ANKH: variants seen among roughly 807,000 people sequenced by gnomAD.
ANKH encodes the protein ANKH inorganic pyrophosphate transport regulator, also known as mineralization regulator ANKH.
In ANKH, 15 loss-of-function variants were observed where a neutral mutation model predicts 49.0. That is an observed-to-expected ratio of 0.31 (90% CI 0.20 to 0.47). The LOEUF (loss-of-function observed/expected upper bound fraction) is 0.47, where lower values mean the gene tolerates loss of function less well. ANKH is among the 20% of genes least tolerant of loss of function. The pLI is 1.00. For missense variants in ANKH, 429 were observed against 652.0 expected, an observed-to-expected ratio of 0.66 and a Z score of 3.72; for synonymous variants, 273 against 260.0, an observed-to-expected ratio of 1.05 and a Z score of -0.48.
intron 8 of ANKH, among the ~76,000 whole-genome samples, chr5:14,726,087 G>GGTTTTCACA (rs1346143185): frequency 2.0e-5 from 3 of 152,180 alleles, no homozygotes; most frequent in Admixed American, 1.3e-4. Flanking sequence ...CTGTCAGCTT[G>GGTTTTCACA]GTTTTCACAG....
chr5:14,869,012 C>T (rs1420944423), intron 1 of ANKH: 1 of 152,168 alleles, frequency 6.6e-6, no homozygotes, highest in African/African-American at 2.4e-5. Flanking sequence ...TCATTCACTC[C>T]CAGCAAGGTG....
rs143103659 is a variant in ANKH at position 14,867,188 on chromosome 5, C to T, written c.96+4164G>A. Among the ~76,000 whole-genome samples the T allele has an allele frequency of 8.1e-5, 12 of 148,784 alleles. No homozygotes were observed. In the East Asian group the frequency reaches 2.0e-3, roughly 25 times the overall value. On this transcript the variant is annotated intron_variant, in intron 1 of 11. Transcript: ENST00000284268. ...AAAAAAAAAAAAAAAATTCAATATA[C>T]GACAGCTAAGATTAAATTTAGACCT...
rs1738222754 is a variant in ANKH, at chr5:14,737,455, G to A, written c.1011+4372C>T. Among the ~76,000 whole-genome samples, 1 of 152,190 alleles carries A rather than the reference G, an allele frequency of 6.6e-6. No homozygotes were observed. On this transcript the variant is annotated intron_variant, in intron 8 of 11. Transcript: ENST00000284268. The surrounding 1 kb of genome is among the most constrained non-coding windows in gnomAD (Gnocchi z 5.0). ...ACTGCTGCCTCAGCCTGTGGCTCCA[G>A]GAGTGTCTACCTAGAGAAGCACAGC...
rs768036202 is a variant in ANKH at position 14,716,779 on chromosome 5, G to T, written c.1068C>A (p.Ile356=). 3 of 1,614,126 alleles carry T rather than the reference G, an allele frequency of 1.9e-6. No homozygotes were observed. Among genetic ancestry groups the T allele is most frequent in the East Asian group, 4.5e-5 (2 of 44,888 alleles). Residue 356 remains isoleucine (I), a synonymous_variant, in exon 9 of 12, where the codon ATC becomes ATA. Coordinates refer to ENST00000284268, the MANE Select transcript of ANKH (RefSeq NM_054027.6). ...PNVSEKILID[I]IGVDFAFAEL... ...CTGCAAAGGCAAAGTCCACTCCGAT[G>T]ATGTCTATCAAGATTTTCTCAGACA...
intron 1 of ANKH, among the ~76,000 whole-genome samples, chr5:14,841,794 T>C (rs1207456895): frequency 6.6e-6 from 1 of 152,198 alleles, no homozygotes; most frequent in African/African-American, 2.4e-5. Context: ...TTTATGGATT[T>C]GACTACTCTA....
chr5:14,716,092 T>C (rs1236405929), intron 9 of ANKH, among the ~76,000 whole-genome samples: 1 of 152,276 alleles, frequency 6.6e-6, no homozygotes, highest in Non-Finnish European at 1.5e-5. Flanking sequence ...TGAACACATT[T>C]GTGTTCCCAC....
chr5:14,810,589 T>C (rs1740850527), intron 1 of ANKH, among the ~76,000 whole-genome samples: 1 of 152,232 alleles, frequency 6.6e-6, no homozygotes, highest in Non-Finnish European at 1.5e-5. Context: ...CCAAGTGACA[T>C]GACTAATTAC....
intron 1 of ANKH, among the ~76,000 whole-genome samples, chr5:14,785,001 C>T (rs531084230): frequency 6.6e-6 from 1 of 152,176 alleles, no homozygotes; most frequent in South Asian, 2.1e-4. Flanking sequence ...ACTCTGGATA[C>T]CACCTTCAAT....
chr5:14,796,071 G>T (rs1024442821), intron 1 of ANKH, among the ~76,000 whole-genome samples: 1 of 151,884 alleles, frequency 6.6e-6, no homozygotes, highest in Non-Finnish European at 1.5e-5. Flanking sequence ...TTTTCGACGT[G>T]ATATTTTTAC....
At chr5:14,742,710 T>C (rs1738402735) in intron 7 of ANKH, among the ~76,000 whole-genome samples, 1 of 152,204 alleles carries the variant, frequency 6.6e-6, no homozygotes, top group Non-Finnish European at 1.5e-5. Context: ...GTGTCTCCCC[T>C]TGAATCACTC....
At chr5:14,783,702 G>A (rs1274806929) in intron 1 of ANKH, among the ~76,000 whole-genome samples, 2 of 152,074 alleles carry the variant, frequency 1.3e-5, no homozygotes, top group Non-Finnish European at 2.9e-5. Flanking sequence ...TATACCTAAG[G>A]TTTTTCACCT....
chr5:14,867,411 G>A (rs943005393), intron 1 of ANKH, among the ~76,000 whole-genome samples: 1 of 152,084 alleles, frequency 6.6e-6, no homozygotes, highest in Non-Finnish European at 1.5e-5. Flanking sequence ...ATCAATGTAC[G>A]TGATTAATAC....
chr5:14,858,493 G>A (rs537921999), intron 1 of ANKH, among the ~76,000 whole-genome samples: 6 of 152,238 alleles, frequency 3.9e-5, no homozygotes, highest in East Asian at 1.9e-4. Context: ...AAGGGGGTGC[G>A]GATCACAAGG....
At chr5:14,768,693 A>T (rs1349753909) in intron 2 of ANKH, 1 of 517,172 alleles carries the variant, frequency 1.9e-6, no homozygotes, top group East Asian at 3.5e-5. Context: ...CTGCTATTTT[A>T]TTGGCCTTAC....
chr5:14,865,506 G>C (rs1735619397), intron 1 of ANKH, among the ~76,000 whole-genome samples: 1 of 152,142 alleles, frequency 6.6e-6, no homozygotes, highest in Non-Finnish European at 1.5e-5. Flanking sequence ...GTGACTCGGA[G>C]CCTTAGCTTG....
intron 1 of ANKH, among the ~76,000 whole-genome samples, chr5:14,844,808 T>C (rs1013298503): frequency 1.5e-4 from 23 of 152,178 alleles, no homozygotes; most frequent in Admixed American, 1.4e-3. Context: ...CTGCCTTTCC[T>C]GTTTCTCCCC....
chr5:14,815,918 G>A (rs906158914), intron 1 of ANKH, among the ~76,000 whole-genome samples: 55 of 152,210 alleles, frequency 3.6e-4, no homozygotes, highest in African/African-American at 1.3e-3. Flanking sequence ...CCAGGCCAAG[G>A]TGGGCAGGTT....
intron 2 of ANKH, among the ~76,000 whole-genome samples, chr5:14,759,793 G>A (rs1424141036): frequency 6.9e-6 from 1 of 143,978 alleles, no homozygotes; most frequent in African/African-American, 2.6e-5. Context: ...GGAGAGGGGA[G>A]GGGAGGGGAG....
intron 4 of ANKH, 25 bp from the exon 5 acceptor site, chr5:14,751,264 G>C (rs983379653): frequency 1.9e-6 from 3 of 1,612,776 alleles, no homozygotes; most frequent in Non-Finnish European, 2.5e-6. Context: ...AACGGGAACA[G>C]GTCAGAGGGG....
Sources: gnomAD v4.1 joint callset for allele counts (sites outside exome capture counted in the v4.1 genomes callset) on GRCh38, gnomAD v4.1.1 for gene constraint, Gnocchi (gnomAD v3.1) non-coding constraint, MANE v1.5 for transcripts, NCBI Gene and HGNC (gene_info 2026-07-23, HGNC 2026-07-21) for gene names.